Variants in PLXDC2 observed in about 807,000 individuals in gnomAD.
The protein encoded by PLXDC2 is plexin domain containing 2.
Under a neutral mutation model 68.9 loss-of-function variants are expected in PLXDC2, and 40 were observed. That is an observed-to-expected ratio of 0.58 (90% CI 0.45 to 0.76). The LOEUF (loss-of-function observed/expected upper bound fraction) is 0.76, where lower values mean the gene tolerates loss of function less well. PLXDC2 is among the 30% of genes least tolerant of loss of function. The pLI is 0.00. For synonymous variants in PLXDC2, 243 were observed against 234.2 expected, an observed-to-expected ratio of 1.04 and a Z score of -0.34; for missense variants, 644 against 661.9, an observed-to-expected ratio of 0.97 and a Z score of 0.30.
intron 13 of PLXDC2, among the ~76,000 whole-genome samples, chr10:20,248,089 C>T (rs1427679444): frequency 6.6e-6 from 1 of 152,180 alleles, no homozygotes; most frequent in Non-Finnish European, 1.5e-5. Context: ...ACCCCTCACA[C>T]GTTTAAGCCT....
chr10:19,983,776 G>A (rs767135214), intron 1 of PLXDC2, among the ~76,000 whole-genome samples: 5 of 152,098 alleles, frequency 3.3e-5, no homozygotes, highest in Non-Finnish European at 5.9e-5. Flanking sequence ...CAGGAGGCTC[G>A]TCCGAAATGC....
intron 1 of PLXDC2, among the ~76,000 whole-genome samples, chr10:19,936,712 G>A (rs757730188): frequency 2.0e-5 from 3 of 152,146 alleles, no homozygotes; most frequent in African/African-American, 4.8e-5. Flanking sequence ...GAGTATTTAC[G>A]CCAAGGAAAT....
At chr10:20,192,127 G>A (rs1161708112) in intron 9 of PLXDC2, among the ~76,000 whole-genome samples, 1 of 152,016 alleles carries the variant, frequency 6.6e-6, no homozygotes. Flanking sequence ...CTAGGAACTG[G>A]TGGAGGCAGG....
chr10:20,129,007 G>A (rs977976628), intron 4 of PLXDC2, among the ~76,000 whole-genome samples: 2 of 152,044 alleles, frequency 1.3e-5, no homozygotes, highest in Non-Finnish European at 2.9e-5. Flanking sequence ...CTCAGAAGTG[G>A]AATTGCTTTA....
chr10:20,235,303 C>T (rs1029815934), intron 12 of PLXDC2, among the ~76,000 whole-genome samples: 1 of 152,046 alleles, frequency 6.6e-6, no homozygotes, highest in African/African-American at 2.4e-5. Flanking sequence ...CCCTCTGCAG[C>T]CATGATTGAG....
rs145493168 is a variant in PLXDC2 at position 20,196,610 on chromosome 10, T to C, written c.1062-15059T>C. 2.9e-4 allele frequency among the ~76,000 whole-genome samples: 44 copies of C among 152,266 alleles called. 1 individual carries two copies. The East Asian group carries it at 7.7e-3, about 27-fold the overall frequency. On this transcript the variant is annotated intron_variant, in intron 9 of 13. Coordinates refer to ENST00000377252, the MANE Select transcript of PLXDC2 (RefSeq NM_032812.9). Reference sequence around the variant, plus strand: ...ATACCACCCAGTAATCTCCAGTAGATAGCAGAGAGAGATACCAGCCCCAGT... The same window carrying C: ...ATACCACCCAGTAATCTCCAGTAGACAGCAGAGAGAGATACCAGCCCCAGT...
intron 9 of PLXDC2, among the ~76,000 whole-genome samples, chr10:20,184,608 T>C (rs1834655001): frequency 6.6e-6 from 1 of 151,878 alleles, no homozygotes; most frequent in South Asian, 2.1e-4. Flanking sequence ...TCATATCATA[T>C]GCTCATTTAG....
At chr10:20,047,705 A>G (rs1835820127) in intron 3 of PLXDC2, among the ~76,000 whole-genome samples, 1 of 152,120 alleles carries the variant, frequency 6.6e-6, no homozygotes, top group Non-Finnish European at 1.5e-5. Flanking sequence ...GCCAGCCTGA[A>G]TGCTCAAATG....
At position 20,284,242 on chromosome 10, in the gene PLXDC2, A is replaced by G. The variant is rs1836118358; in HGVS notation, c.*4423A>G. On this transcript the variant is annotated 3_prime_UTR_variant, in exon 14 of 14. Transcript: ENST00000377252. ...GACCTCCAACCCCACTTTTGTTATCAGCGTCATATGCCAGAGTCATGGCAG... is the reference window on the plus strand; with the variant it reads ...GACCTCCAACCCCACTTTTGTTATCGGCGTCATATGCCAGAGTCATGGCAG... 2 of 151,080 alleles carry G rather than the reference A, an allele frequency of 1.3e-5. No homozygotes were observed. The highest frequency in any genetic ancestry group is 2.9e-5 in the Non-Finnish European group (2 of 67,848). The allele number at this position is 151,080 out of a possible 1,614,324, so 9.4% of individuals were successfully genotyped here.
chr10:19,989,751 A>T lies in PLXDC2; in HGVS notation c.113-12024A>T, dbSNP rs1342825196. 7.0e-5 allele frequency among the ~76,000 whole-genome samples: 9 copies of T among 127,778 alleles called. No individual in the cohort carries two copies. In the South Asian group the frequency reaches 7.2e-4, roughly 10 times the overall value. The allele number at this position is 127,778 out of a possible 152,430, so 83.8% of individuals were successfully genotyped here. ...TCCTTCAATTTTTTTACTTATGTGA[A>T]TTTTTTTTTTTTTTTTGAGATGGAG... On this transcript the variant is annotated intron_variant, in intron 1 of 13. Coordinates refer to ENST00000377252, the MANE Select transcript of PLXDC2 (RefSeq NM_032812.9).
intron 6 of PLXDC2, among the ~76,000 whole-genome samples, chr10:20,159,057 G>T (rs1834256111): frequency 1.3e-5 from 2 of 152,076 alleles, no homozygotes; most frequent in African/African-American, 2.4e-5. Flanking sequence ...GAAATCCTGG[G>T]CTCTTACTCA....
intron 1 of PLXDC2, among the ~76,000 whole-genome samples, chr10:19,946,916 G>C (rs1441511807): frequency 6.6e-6 from 1 of 152,062 alleles, no homozygotes; most frequent in Non-Finnish European, 1.5e-5. Flanking sequence ...TACAGATGGA[G>C]CTCACCTGCC....
intron 9 of PLXDC2, among the ~76,000 whole-genome samples, chr10:20,200,390 A>G (rs1834900979): frequency 6.6e-6 from 1 of 152,196 alleles, no homozygotes; most frequent in Middle Eastern, 3.4e-3. Flanking sequence ...ATAAATCCAA[A>G]AAAGGTGAGG....
intron 1 of PLXDC2, among the ~76,000 whole-genome samples, chr10:19,903,815 A>G (rs1012580189): frequency 2.0e-5 from 3 of 151,840 alleles, no homozygotes; most frequent in Non-Finnish European, 4.4e-5. Flanking sequence ...TGATGTAGGC[A>G]TGAATGCTAT....
At chr10:20,213,973 A>G (rs970952893) in intron 10 of PLXDC2, among the ~76,000 whole-genome samples, 3 of 151,916 alleles carry the variant, frequency 2.0e-5, no homozygotes, top group African/African-American at 7.3e-5. Context: ...ATTTGGAGCA[A>G]TTTCTTCAGA....
chr10:20,236,148 A>C (rs915334531), intron 12 of PLXDC2, among the ~76,000 whole-genome samples: 2 of 152,054 alleles, frequency 1.3e-5, no homozygotes, highest in Non-Finnish European at 2.9e-5. Context: ...TTATTTTTCA[A>C]AAATAATTTC....
intron 1 of PLXDC2, among the ~76,000 whole-genome samples, chr10:19,974,866 G>C (rs1834421325): frequency 6.6e-6 from 1 of 152,124 alleles, no homozygotes; most frequent in African/African-American, 2.4e-5. Context: ...GAAACACTCT[G>C]GTCTTGATTC....
intron 1 of PLXDC2, among the ~76,000 whole-genome samples, chr10:19,877,351 A>G (rs1837650724): frequency 6.6e-6 from 1 of 152,158 alleles, no homozygotes; most frequent in South Asian, 2.1e-4. Context: ...ATTCAAATCC[A>G]ACTCCATAGA....
intron 12 of PLXDC2, among the ~76,000 whole-genome samples, chr10:20,238,121 T>A (rs1392388173): frequency 2.0e-5 from 3 of 151,180 alleles, no homozygotes; most frequent in Non-Finnish European, 4.4e-5. Context: ...GTTTTAAAAT[T>A]AAATGCTACA....
Sources: gnomAD v4.1 joint callset for allele counts (sites outside exome capture counted in the v4.1 genomes callset) on GRCh38, gnomAD v4.1.1 for gene constraint, MANE v1.5 for transcripts, NCBI Gene and HGNC (gene_info 2026-07-23, HGNC 2026-07-21) for gene names.